The following MAP3K15 variants were observed in gnomAD, a reference collection of about 807,000 sequenced individuals.
The protein encoded by MAP3K15 is MAPK/ERK kinase kinase 15.
In MAP3K15, 124 loss-of-function variants were observed where a neutral mutation model predicts 99.5. That is an observed-to-expected ratio of 1.25 (90% CI 1.08 to 1.45). The LOEUF (loss-of-function observed/expected upper bound fraction) is 1.45, where lower values mean the gene tolerates loss of function less well. Among genes scored for constraint, MAP3K15 ranks in the 40% most tolerant of loss-of-function variants. MAP3K15 has a pLI of 0.00. For missense variants in MAP3K15, 1,242 were observed against 1,079.7 expected, an observed-to-expected ratio of 1.15 and a Z score of -2.11; for synonymous variants, 494 against 439.6, an observed-to-expected ratio of 1.12 and a Z score of -1.55.
intron 25 of MAP3K15, among the ~76,000 whole-genome samples, chrX:19,366,800 T>C (rs754362096): frequency 8.9e-6 from 1 of 112,269 alleles, no homozygotes; most frequent in African/African-American, 3.2e-5. Flanking sequence ...TATGCAGGAA[T>C]GTACAGTTTA....
chrX:19,377,538 T>C (rs1225808598), intron 19 of MAP3K15, among the ~76,000 whole-genome samples: 28 of 109,470 alleles, frequency 2.6e-4, no homozygotes, highest in South Asian at 3.9e-4. Context: ...AGTGAGACTC[T>C]GTCAAAAAAA....
chrX:19,489,351 G>A (rs1302947891), intron 1 of MAP3K15, among the ~76,000 whole-genome samples: 1 of 111,131 alleles, frequency 9.0e-6, no homozygotes, highest in Non-Finnish European at 1.9e-5. Context: ...CTGCACTCAG[G>A]GTCCCATGTG....
At chrX:19,393,932 C>T in intron 16 of MAP3K15, among the ~76,000 whole-genome samples, 1 of 108,510 alleles carries the variant, frequency 9.2e-6, no homozygotes, top group Admixed American at 9.9e-5. Context: ...GCCACCACAC[C>T]TGGCTAATTT....
chrX:19,440,768 G>A (rs1369042018), intron 6 of MAP3K15, among the ~76,000 whole-genome samples: 1 of 112,400 alleles, frequency 8.9e-6, no homozygotes, highest in Non-Finnish European at 1.9e-5. Context: ...GAATCTCCAC[G>A]CTGATAGATC....
chrX:19,499,458 G>A (rs899338898), intron 1 of MAP3K15, among the ~76,000 whole-genome samples: 5 of 112,333 alleles, frequency 4.5e-5, no homozygotes, highest in African/African-American at 1.3e-4. Context: ...AACACTGGTC[G>A]ACAAAAAGTC....
chrX:19,417,777 C>T lies in MAP3K15; in HGVS notation c.1440-2520G>A, dbSNP rs1014221400. On this transcript the variant is annotated intron_variant, in intron 9 of 28. Transcript: ENST00000338883. ...GGTCCCTGACCCCCAAGTAGCCTAACTGGGAGGCACCCCCCAGTAGGGGCA... is the reference window on the plus strand; with the variant it reads ...GGTCCCTGACCCCCAAGTAGCCTAATTGGGAGGCACCCCCCAGTAGGGGCA... Among the ~76,000 whole-genome samples the T allele has an allele frequency of 1.1e-4, 12 of 112,219 alleles. 1 individual carries two copies. In the Admixed American group the frequency reaches 1.1e-3, roughly 11 times the overall value.
At chrX:19,396,810 A>G (rs1402505314) in intron 15 of MAP3K15, among the ~76,000 whole-genome samples, 1 of 111,858 alleles carries the variant, frequency 8.9e-6, no homozygotes, top group Non-Finnish European at 1.9e-5. Context: ...GGATCCCGGA[A>G]TGATTAATTC....
intron 1 of MAP3K15, among the ~76,000 whole-genome samples, chrX:19,508,883 CA>C (rs759668382): frequency 4.7e-5 from 5 of 107,381 alleles, no homozygotes; most frequent in South Asian, 4.0e-4. Context: ...GACCCTGTCT[CA>C]AAAAAAAATC....
chrX:19,398,050 C>T (rs912536627), intron 15 of MAP3K15, among the ~76,000 whole-genome samples, 176 bp downstream of exon 15: 16 of 93,574 alleles, frequency 1.7e-4, no homozygotes, highest in Admixed American at 6.1e-4. Context: ...GGCAATAGAG[C>T]GAGACTCCGT....
chrX:19,461,178 A>G (rs1250887649), intron 4 of MAP3K15, among the ~76,000 whole-genome samples: 1 of 111,289 alleles, frequency 9.0e-6, no homozygotes, highest in Non-Finnish European at 1.9e-5. Context: ...ATGAGGTTTC[A>G]CCATGTTAGC....
At chrX:19,446,842 C>A (rs928242479) in intron 6 of MAP3K15, among the ~76,000 whole-genome samples, 10 of 111,032 alleles carry the variant, frequency 9.0e-5, no homozygotes, top group Non-Finnish European at 1.9e-4. Context: ...CAGCCTACAG[C>A]CTTCCCTTCC....
chrX:19,416,723 C>T (rs1036456486), intron 9 of MAP3K15, among the ~76,000 whole-genome samples: 6 of 111,775 alleles, frequency 5.4e-5, no homozygotes, highest in Non-Finnish European at 7.5e-5. Flanking sequence ...TCAGTGGTTG[C>T]GAAAATCCTG....
chrX:19,438,148 C>G (rs1235415111), intron 6 of MAP3K15, among the ~76,000 whole-genome samples: 1 of 111,498 alleles, frequency 9.0e-6, no homozygotes, highest in Admixed American at 9.6e-5. Context: ...GCTCTGTTGC[C>G]CAAGTGGAAT....
intron 6 of MAP3K15, among the ~76,000 whole-genome samples, chrX:19,452,388 GAGAAAAGAAAAGAAA>G (rs201782904): frequency 6.2e-4 from 2 of 3,208 alleles, no homozygotes; most frequent in Non-Finnish European, 1.0e-3. Context: ...GAAAAGAAAA[GAGAAAAGAAAAGAAA>G]AGAAAAGAAA....
At chrX:19,443,758 G>C (rs780085011) in intron 6 of MAP3K15, among the ~76,000 whole-genome samples, 27 of 111,135 alleles carry the variant, frequency 2.4e-4, no homozygotes, top group Non-Finnish European at 5.1e-4. Flanking sequence ...GGAGCAAACC[G>C]GGAGGGACGG....
intron 25 of MAP3K15, among the ~76,000 whole-genome samples, chrX:19,364,316 C>G (rs1308295346): frequency 8.9e-6 from 1 of 112,201 alleles, no homozygotes; most frequent in Non-Finnish European, 1.9e-5. Flanking sequence ...CATGCCAGCT[C>G]AGGCATAGCA....
chrX:19,416,971 A>T (rs2063741334), intron 9 of MAP3K15, among the ~76,000 whole-genome samples: 1 of 112,289 alleles, frequency 8.9e-6, no homozygotes, highest in East Asian at 2.8e-4. Flanking sequence ...GATTTACATG[A>T]AGTGCTAAGA....
At chrX:19,360,970 G>A in intron 28 of MAP3K15, 137 bp from the exon 29 acceptor site, 1 of 464,259 alleles carries the variant, frequency 2.2e-6, no homozygotes, top group South Asian at 3.6e-5. Flanking sequence ...TGTCCCAGCA[G>A]TAGTAGGACA....
Position 19,480,509 on chromosome X carries a change from A to T in MAP3K15, c.525+5973T>A, listed in dbSNP as rs759976157. Among the ~76,000 whole-genome samples, 5 of 109,658 alleles carry T rather than the reference A, an allele frequency of 4.6e-5. No homozygotes were observed. The South Asian group carries it at 1.6e-3, about 34-fold the overall frequency. On this transcript the variant is annotated intron_variant, in intron 3 of 28. Transcript: ENST00000338883. ...CAAAACAAAAAACAAAGAAAAATAA[A>T]TTTTTTAAAAAGGGCCGGGTGCGGG...
Sources: gnomAD v4.1 joint callset for allele counts (sites outside exome capture counted in the v4.1 genomes callset) on GRCh38, gnomAD v4.1.1 for gene constraint, MANE v1.5 for transcripts, NCBI Gene and HGNC (gene_info 2026-07-23, HGNC 2026-07-21) for gene names.